Variants in JOSD2 observed in about 807,000 individuals in gnomAD.
The protein encoded by JOSD2 is josephin-2.
Under a neutral mutation model 19.3 loss-of-function variants are expected in JOSD2, and 20 were observed. The ratio of observed to expected loss-of-function variants is 1.04; its 90% CI spans 0.73 to 1.51. The LOEUF is 1.51. Ranked by LOEUF, JOSD2 falls within the 40% of genes most tolerant of loss-of-function variation. JOSD2 has a pLI of 0.00. For synonymous variants in JOSD2, 118 were observed against 123.7 expected (o/e 0.95, Z 0.31); for missense variants, 215 against 250.4 (o/e 0.86, Z 0.95).
At chr19:50,509,650 A>G (rs948442677) in intron 2 of JOSD2, among the ~76,000 whole-genome samples, 8 of 152,070 alleles carry the variant, frequency 5.3e-5, no homozygotes, top group Admixed American at 5.2e-4. Flanking sequence ...GGGCCCAGAT[A>G]AGAGATGCCT....
chr19:50,508,986 A>ATTTCTGTCC (rs1411608084), intron 2 of JOSD2, among the ~76,000 whole-genome samples: 15 of 151,740 alleles, frequency 9.9e-5, no homozygotes, highest in African/African-American at 3.4e-4. Flanking sequence ...TCAAGTGGGG[A>ATTTCTGTCC]CTGAAGGCAG....
In JOSD2 at chr19:50,510,406, G is replaced by C. The variant is rs767706685; in HGVS notation, c.26C>G (p.Pro9Arg). 3 of 1,611,786 alleles carry C rather than the reference G, an allele frequency of 1.9e-6. No homozygotes were observed. Among genetic ancestry groups the C allele is most frequent in the South Asian group, 2.2e-5 (2 of 91,064 alleles). Residue 9 changes from proline to arginine, a missense_variant, in exon 2 of 5, where the codon CCG becomes CGG. Coordinates refer to ENST00000598418, the MANE Select transcript of JOSD2 (RefSeq NM_001270639.2). ...TTCGTGGTACACGGTGGGTGGGCTC[G>C]GCTGTGCTCCCGGGGCCTGGGACAT... MSQAPGAQ[P>R]SPPTVYHERQ...
In JOSD2 at chr19:50,507,558, C is replaced by T; in HGVS notation, c.272+16G>A. The T allele has an allele frequency of 3.1e-6, 5 of 1,598,134 alleles. No individual in the cohort carries two copies. The highest frequency in any genetic ancestry group is 4.2e-6 in the Non-Finnish European group (5 of 1,177,780). On this transcript the variant is annotated intron_variant, in intron 3 of 4. Coordinates refer to ENST00000598418, the MANE Select transcript of JOSD2 (RefSeq NM_001270639.2). ...TGTGCCCGGCCCAGCACATGCTGTGCTGCTCTGGGGCCTACCTCCTCCTGT... is the reference window on the plus strand; with the variant it reads ...TGTGCCCGGCCCAGCACATGCTGTGTTGCTCTGGGGCCTACCTCCTCCTGT...
rs142255177 is a variant in JOSD2, at chr19:50,510,423, C to G, written c.9G>C (p.Gln3His). MS[Q>H]APGAQPSPPT... ...GTGGGCTCGGCTGTGCTCCCGGGGC[C>G]TGGGACATGCCGTCCTCGGCTCCTG... The change falls in exon 2 of 5, where the codon CAG becomes CAC. Residue 3 changes from glutamine (Q) to histidine (H), a missense_variant. Gln to His is a conservative substitution (Grantham distance 24, BLOSUM62 0). Transcript: ENST00000598418. The G allele has an allele frequency of 1.2e-6, 2 of 1,608,488 alleles. No individual in the cohort carries two copies. Among genetic ancestry groups the G allele is most frequent in the Non-Finnish European group, 1.7e-6 (2 of 1,177,156 alleles).
intron 3 of JOSD2, among the ~76,000 whole-genome samples, chr19:50,507,058 C>A (rs1601347806): frequency 6.7e-6 from 1 of 149,788 alleles, no homozygotes; most frequent in East Asian, 2.0e-4. Context: ...AACCACCCAA[C>A]CACCATCACC....
rs748865556 is a variant in JOSD2 at position 50,506,154 on chromosome 19, C to G, written c.*19G>C. On this transcript the variant is annotated 3_prime_UTR_variant, in exon 5 of 5. Transcript: ENST00000598418. ...GGATGCGCAGGGACTGCGCTGTGGG[C>G]GCCGATGGTCAGCCATGGTCAGTCT... is the stretch of plus-strand genomic sequence containing the variant. The G allele has an allele frequency of 6.2e-7, 1 of 1,609,232 alleles. No homozygotes were observed. Among genetic ancestry groups the G allele is most frequent in the Non-Finnish European group, 8.5e-7 (1 of 1,177,614 alleles).
intron 3 of JOSD2, 77 bp downstream of exon 3, chr19:50,507,497 C>G: frequency 1.3e-6 from 2 of 1,508,920 alleles, no homozygotes; most frequent in Non-Finnish European, 1.8e-6. Context: ...ATTCCCCTCC[C>G]TGCCCCCCAA....
In JOSD2 at chr19:50,507,596, C is replaced by T. The variant is rs780599366; in HGVS notation, c.250G>A (p.Ala84Thr). Reference protein sequence around the residue: ...MAALQGLGLAAVWWDRRRPLS... With the variant: ...MAALQGLGLATVWWDRRRPLS... ...TACCTCCTCCTGTCCCACCACACGG[C>T]GGCCAGGCCCAGCCCCTGCAGAGCG... Residue 84 changes from alanine (A) to threonine (T), a missense_variant, in exon 3 of 5, where the codon GCC becomes ACC. Coordinates refer to ENST00000598418, the MANE Select transcript of JOSD2 (RefSeq NM_001270639.2). 2.6e-5 allele frequency: 42 copies of T among 1,607,622 alleles called. No individual in the cohort carries two copies. Among genetic ancestry groups the T allele is most frequent in the Non-Finnish European group, 3.3e-5 (39 of 1,179,768 alleles).
Position 50,510,212 on chromosome 19 carries a change from C to A in JOSD2, c.146+74G>T, listed in dbSNP as rs1979690441. ...GAAAGCCCCCAAGGCTCAGCGCCTG[C>A]CTGGCGGCGAGACCCAGGTGGGTCA... On this transcript the variant is annotated intron_variant, in intron 2 of 4. Transcript: ENST00000598418. 5.0e-6 allele frequency: 8 copies of A among 1,590,250 alleles called. No homozygotes were observed. The South Asian group carries it at 7.8e-5, about 15-fold the overall frequency.
chr19:50,508,391 C>A (rs1979514819), intron 2 of JOSD2, among the ~76,000 whole-genome samples: 1 of 152,180 alleles, frequency 6.6e-6, no homozygotes, highest in African/African-American at 2.4e-5. Context: ...CTCACCCCTC[C>A]CCTGCTCACA....
chr19:50,509,444 C>T (rs1423802793), intron 2 of JOSD2, among the ~76,000 whole-genome samples: 1 of 151,984 alleles, frequency 6.6e-6, no homozygotes, highest in Non-Finnish European at 1.5e-5. Flanking sequence ...TCCATGCTGG[C>T]AGAGAAGGAA....
At position 50,506,069 on chromosome 19, in the gene JOSD2, C is replaced by G; in HGVS notation, c.*104G>C. 1 of 1,097,912 alleles carries G rather than the reference C, an allele frequency of 9.1e-7. No homozygotes were observed. Among genetic ancestry groups the G allele is most frequent in the Admixed American group, 2.5e-5 (1 of 40,176 alleles). 68.0% of individuals were successfully genotyped at this position (1,097,912 alleles called of 1,614,324 possible). A position where few individuals can be genotyped will look rare whatever the true frequency, so the allele number is the denominator to read the frequency against. On this transcript the variant is annotated 3_prime_UTR_variant, in exon 5 of 5. Coordinates refer to ENST00000598418, the MANE Select transcript of JOSD2 (RefSeq NM_001270639.2). The stretch of plus-strand genomic sequence containing the variant: ...CAGGGGTGTGGGGAGGGGGCGGGGC[C>G]TCCCCAGGGTCCATGAAGTGCTGGC...
In JOSD2 at chr19:50,510,454, G is replaced by A. The variant is rs141848929; in HGVS notation, c.-17-6C>T. 5.4e-3 allele frequency: 8,542 copies of A among 1,590,784 alleles called. 43 individuals carry two copies. The highest frequency in any genetic ancestry group is 6.6e-3 in the Non-Finnish European group (7,732 of 1,169,250). On this transcript the variant is annotated splice_region_variant and splice_polypyrimidine_tract_variant and intron_variant, in intron 1 of 4. Transcript: ENST00000598418. ...CATGCCGTCCTCGGCTCCTGCTGGGGGTTGGGAGGGGGAGAAGGTCCTCAG... is the reference window on the plus strand; with the variant it reads ...CATGCCGTCCTCGGCTCCTGCTGGGAGTTGGGAGGGGGAGAAGGTCCTCAG...
At chr19:50,508,902 G>T (rs951109127) in intron 2 of JOSD2, among the ~76,000 whole-genome samples, 1 of 151,992 alleles carries the variant, frequency 6.6e-6, no homozygotes, top group East Asian at 1.9e-4. Flanking sequence ...TAAGATGTCC[G>T]AGAGCCGGAG....
chr19:50,510,547 C>G, intron 1 of JOSD2, 99 bp from the exon 2 acceptor site: 2 of 1,176,560 alleles, frequency 1.7e-6, no homozygotes, highest in Non-Finnish European at 2.4e-6. Flanking sequence ...TGAGCTGGGA[C>G]TCGGAGCAGC....
Position 50,506,480 on chromosome 19 carries a change from C to CGCAGCGGCAGTGACA in JOSD2, c.350_364dup (p.Leu117_Leu121dup). 1 of 1,572,068 alleles carries CGCAGCGGCAGTGACA rather than the reference C, an allele frequency of 6.4e-7. No homozygotes were observed. Among genetic ancestry groups the CGCAGCGGCAGTGACA allele is most frequent in the Non-Finnish European group, 8.6e-7 (1 of 1,160,040 alleles). On this transcript the variant is annotated inframe_insertion, in exon 4 of 5. Transcript: ENST00000598418. ...GCGCAGGGCCACCCAGTGCCGCCGG[C>CGCAGCGGCAGTGACA]GCAGCGGCAGTGACAGCAGCCCCAG...
intron 2 of JOSD2, 68 bp downstream of exon 2, chr19:50,510,218 G>C (rs1040483033): frequency 6.3e-7 from 1 of 1,599,714 alleles, no homozygotes; most frequent in African/African-American, 1.3e-5. Flanking sequence ...CCTGCCTGGC[G>C]GCGAGACCCA....
rs1442458967 is a variant in JOSD2 at position 50,506,542 on chromosome 19, T to G, written c.303A>C (p.Val101=). 3.2e-6 allele frequency: 5 copies of G among 1,547,008 alleles called. No individual in the cohort carries two copies. The highest frequency in any genetic ancestry group is 2.7e-5 in the African/African-American group (2 of 72,958). Residue 101 remains valine (V), a synonymous_variant, in exon 4 of 5, where the codon GTA becomes GTC. Transcript: ENST00000598418. The part of the protein sequence containing the change: ...RPLSQLALPQ[V]LGLILNLPSP... The stretch of plus-strand genomic sequence containing the variant: ...AGGGCAGGTTCAGGATCAGCCCCAG[T>G]ACCTGGGGCAGGGCCAGCTGGGACA...
rs375079099 is a variant in JOSD2 at position 50,507,727 on chromosome 19, G to A, written c.147-28C>T. Reference sequence around the variant, plus strand: ...GGTAGTGGGGGTGGCCAGAGCTGAGGTGGGGACCCCTGGAAAGGCCTCCCC... The same window carrying A: ...GGTAGTGGGGGTGGCCAGAGCTGAGATGGGGACCCCTGGAAAGGCCTCCCC... On this transcript the variant is annotated intron_variant, in intron 2 of 4. Coordinates refer to ENST00000598418, the MANE Select transcript of JOSD2 (RefSeq NM_001270639.2). The A allele has an allele frequency of 5.0e-6, 8 of 1,598,018 alleles. No homozygotes were observed. The African/African-American group carries it at 9.4e-5, about 19-fold the overall frequency.
Sources: allele counts gnomAD v4.1 joint callset (sites outside exome capture counted in the v4.1 genomes callset), GRCh38; gene constraint gnomAD v4.1.1; transcripts MANE v1.5; gene names NCBI Gene and HGNC (gene_info 2026-07-23, HGNC 2026-07-21).